The following NSUN4 variants were observed in gnomAD, a reference collection of about 807,000 sequenced individuals.
NSUN4 encodes the protein NOP2/Sun RNA methyltransferase 4, also known as 5-cytosine rRNA methyltransferase NSUN4.
Under a neutral mutation model 43.8 loss-of-function variants are expected in NSUN4, and 31 were observed. The observed-to-expected ratio is 0.71, with a 90% CI of 0.53 to 0.96. The LOEUF is 0.96. NSUN4 is among the 40% of genes least tolerant of loss of function. The pLI, the probability that NSUN4 is intolerant of heterozygous loss-of-function variation, is 0.00. For synonymous variants in NSUN4, 167 were observed against 184.1 expected (o/e 0.91, Z 0.75); for missense variants, 439 against 475.6 (o/e 0.92, Z 0.72).
the NSUN4 span, among the ~76,000 whole-genome samples, chr1:46,383,158 GAGCCAA>G: frequency 2.6e-5 from 4 of 152,228 alleles, no homozygotes; most frequent in Non-Finnish European, 4.4e-5. Context: ...GGAAGTGGCT[GAGCCAA>G]AGGACAAATA....
Position 46,344,812 on chromosome 1 carries a change from G to GC in NSUN4, c.108dup (p.Lys37GlnfsTer13). 1.2e-6 allele frequency: 2 copies of GC among 1,613,788 alleles called. No individual in the cohort carries two copies. Among genetic ancestry groups the GC allele is most frequent in the Non-Finnish European group, 1.7e-6 (2 of 1,179,744 alleles). ...CCTCTCTCTTTTAGGCTGCCACAGA[G>GC]CCCAAATTCCCTGCTGTTCGACTGG... On this transcript the variant is annotated frameshift_variant, in exon 2 of 6. Transcript: ENST00000474844. LOFTEE classifies it high-confidence loss of function.
At chr1:46,375,736 CAAA>C in the NSUN4 span, among the ~76,000 whole-genome samples, 28 of 69,896 alleles carry the variant, frequency 4.0e-4, no homozygotes, top group South Asian at 1.2e-3. Flanking sequence ...GACTCTGTCT[CAAA>C]AAAAAAAAAA....
intron 4 of NSUN4, among the ~76,000 whole-genome samples, chr1:46,358,505 G>A (rs1443493405): frequency 2.0e-5 from 3 of 148,330 alleles, no homozygotes; most frequent in South Asian, 2.1e-4. Flanking sequence ...GGATTTAAGC[G>A]ATTCTTCTGC....
At chr1:46,353,287 A>G (rs1557741150) in intron 4 of NSUN4, among the ~76,000 whole-genome samples, 1 of 152,188 alleles carries the variant, frequency 6.6e-6, no homozygotes, top group Non-Finnish European at 1.5e-5. Context: ...GGCTTACTTT[A>G]TTTCTCAAGT....
downstream of NSUN4, among the ~76,000 whole-genome samples, chr1:46,366,120 T>G (rs1664128108): frequency 2.0e-5 from 3 of 152,126 alleles, no homozygotes; most frequent in Admixed American, 2.0e-4. Flanking sequence ...AGAGGGAGAC[T>G]CTGTCTCAAA....
chr1:46,366,398 A>G (rs2148429026), downstream of NSUN4, among the ~76,000 whole-genome samples: 1 of 152,344 alleles, frequency 6.6e-6, no homozygotes, highest in Non-Finnish European at 1.5e-5. Flanking sequence ...TTAAGGCTCT[A>G]GCTTTTATGT....
intron 4 of NSUN4, among the ~76,000 whole-genome samples, chr1:46,354,272 G>T (rs1432963088): frequency 2.0e-5 from 3 of 151,632 alleles, no homozygotes; most frequent in Admixed American, 1.3e-4. Flanking sequence ...CCCAGCAAAT[G>T]ATTTTTTGTA....
the NSUN4 span, among the ~76,000 whole-genome samples, chr1:46,383,810 A>T: frequency 6.6e-6 from 1 of 152,088 alleles, no homozygotes; most frequent in Non-Finnish European, 1.5e-5. Context: ...ACTCAAATAT[A>T]AAATTTTCTT....
intron 3 of NSUN4, among the ~76,000 whole-genome samples, chr1:46,350,907 G>A (rs1662927093): frequency 6.6e-6 from 1 of 152,202 alleles, no homozygotes; most frequent in South Asian, 2.1e-4. Flanking sequence ...TGGAAGTCCA[G>A]CCATCACATC....
intron 5 of NSUN4, among the ~76,000 whole-genome samples, chr1:46,361,257 A>G (rs1045270688): frequency 1.3e-5 from 2 of 152,218 alleles, no homozygotes; most frequent in African/African-American, 4.8e-5. Context: ...AGTGAGTAGC[A>G]CATGTTTGAA....
the NSUN4 span, among the ~76,000 whole-genome samples, chr1:46,382,721 C>T: frequency 6.6e-6 from 1 of 151,972 alleles, no homozygotes; most frequent in Non-Finnish European, 1.5e-5. Context: ...CCTGCCTTAG[C>T]CTCCCAAGTA....
chr1:46,351,978 T>A (rs1663025376), intron 3 of NSUN4, among the ~76,000 whole-genome samples: 1 of 151,118 alleles, frequency 6.6e-6, no homozygotes, highest in Admixed American at 6.6e-5. Flanking sequence ...AGTCTCTTTT[T>A]AAAAAATTAT....
intron 1 of NSUN4, chr1:46,343,942 G>C (rs1662301632): frequency 2.5e-6 from 1 of 397,004 alleles, no homozygotes; most frequent in Non-Finnish European, 4.4e-6. Flanking sequence ...ACCATAACAA[G>C]AAATGAGGGC....
intron 1 of NSUN4, chr1:46,343,217 C>T (rs1453482517): frequency 3.8e-5 from 15 of 398,948 alleles, no homozygotes; most frequent in Admixed American, 3.1e-4. Flanking sequence ...TGTGTGACAC[C>T]TATAGCACTC....
chr1:46,354,544 C>G (rs1215390455), intron 4 of NSUN4, among the ~76,000 whole-genome samples: 1 of 152,112 alleles, frequency 6.6e-6, no homozygotes, highest in East Asian at 1.9e-4. Flanking sequence ...CTGTCTAGTT[C>G]TCACCATTCT....
chr1:46,348,820 T>TTTTG (rs1553176675), intron 3 of NSUN4, among the ~76,000 whole-genome samples: 15 of 142,160 alleles, frequency 1.1e-4, no homozygotes, highest in Admixed American at 1.4e-4. Flanking sequence ...TTTTTTTTTT[T>TTTTG]TTTTTTTTTT....
At chr1:46,360,227 T>C (rs1298400906) in intron 4 of NSUN4, among the ~76,000 whole-genome samples, 1 of 9,530 alleles carries the variant, frequency 1.0e-4, no homozygotes. Flanking sequence ...AGACTCCATC[T>C]CAAAAAAAAA....
At chr1:46,349,277 C>T (rs948564723) in intron 3 of NSUN4, among the ~76,000 whole-genome samples, 2 of 151,786 alleles carry the variant, frequency 1.3e-5, no homozygotes, top group African/African-American at 4.8e-5. Flanking sequence ...ATAGCTGGGA[C>T]CACGGGCACC....
chr1:46,351,011 A>G (rs549304251), intron 3 of NSUN4, among the ~76,000 whole-genome samples: 3 of 152,328 alleles, frequency 2.0e-5, no homozygotes, highest in South Asian at 4.1e-4. Flanking sequence ...CAGAATTCCT[A>G]TCCAATACTT....
Sources: allele counts gnomAD v4.1 joint callset (sites outside exome capture counted in the v4.1 genomes callset), GRCh38; gene constraint gnomAD v4.1.1; transcripts MANE v1.5; gene names NCBI Gene and HGNC (gene_info 2026-07-23, HGNC 2026-07-21).